SYNDIG1L: variants seen among roughly 807,000 people sequenced by gnomAD.
SYNDIG1L encodes synapse differentiation-inducing gene protein 1-like.
A neutral mutation model predicts 20.1 loss-of-function variants in SYNDIG1L; 13 were observed. The ratio of observed to expected loss-of-function variants is 0.65; its 90% confidence interval spans 0.42 to 1.03. SYNDIG1L has a LOEUF of 1.03. SYNDIG1L is among the 50% of genes least tolerant of loss of function. The pLI is 0.00. For missense variants in SYNDIG1L, 294 were observed against 305.1 expected, an observed-to-expected ratio of 0.96 and a Z score of 0.27; for synonymous variants, 128 against 129.3, an observed-to-expected ratio of 0.99 and a Z score of 0.07.
chr14:74,457,644 C>T, the SYNDIG1L span, among the ~76,000 whole-genome samples: 2 of 151,826 alleles, frequency 1.3e-5, no homozygotes, highest in African/African-American at 4.8e-5. Flanking sequence ...CGCAGGATTT[C>T]TGTAGGTGCT....
the SYNDIG1L span, among the ~76,000 whole-genome samples, chr14:74,458,296 G>A: frequency 6.6e-6 from 1 of 152,050 alleles, no homozygotes. Flanking sequence ...TGCTTTGCAG[G>A]TTAGAAAGTG....
chr14:74,439,340 A>C, the SYNDIG1L span, among the ~76,000 whole-genome samples: 1 of 152,078 alleles, frequency 6.6e-6, no homozygotes, highest in Non-Finnish European at 1.5e-5. Flanking sequence ...GTTAAACAAC[A>C]CACCTTAAGT....
the SYNDIG1L span, among the ~76,000 whole-genome samples, chr14:74,465,055 C>T: frequency 6.6e-6 from 1 of 152,322 alleles, no homozygotes; most frequent in Admixed American, 6.5e-5. Flanking sequence ...CCAGCCTGCT[C>T]CTCCCTGGGC....
At chr14:74,438,647 C>A in the SYNDIG1L span, among the ~76,000 whole-genome samples, 47 of 152,288 alleles carry the variant, frequency 3.1e-4, no homozygotes, top group Admixed American at 5.9e-4. Context: ...TACTCAGAAG[C>A]CTGACTGTCC....
At chr14:74,468,457 C>A in the SYNDIG1L span, among the ~76,000 whole-genome samples, 1 of 152,030 alleles carries the variant, frequency 6.6e-6, no homozygotes, top group East Asian at 1.9e-4. Flanking sequence ...TACCTTCCTA[C>A]CTCCCTTCTC....
chr14:74,476,533 C>T, the SYNDIG1L span: 1 of 1,535,610 alleles, frequency 6.5e-7, no homozygotes, highest in Admixed American at 2.0e-5. Flanking sequence ...TTTGCAACTG[C>T]AAACACCTGT....
At chr14:74,457,486 C>T in the SYNDIG1L span, among the ~76,000 whole-genome samples, 4 of 152,010 alleles carry the variant, frequency 2.6e-5, no homozygotes, top group Non-Finnish European at 5.9e-5. Context: ...CCATCCTCTG[C>T]GGCCACATTT....
intron 1 of SYNDIG1L, among the ~76,000 whole-genome samples, chr14:74,420,167 C>A (rs1009511817): frequency 1.3e-5 from 2 of 151,998 alleles, no homozygotes; most frequent in East Asian, 1.9e-4. Flanking sequence ...AAGGTCGAGG[C>A]GGGTGGATGA....
the SYNDIG1L span, chr14:74,476,578 C>T: frequency 2.0e-6 from 3 of 1,535,612 alleles, no homozygotes; most frequent in Non-Finnish European, 2.6e-6. Flanking sequence ...GAGCAGAGAA[C>T]AGGCATGGGA....
the SYNDIG1L span, among the ~76,000 whole-genome samples, chr14:74,443,822 C>T: frequency 6.6e-6 from 1 of 152,080 alleles, no homozygotes; most frequent in South Asian, 2.1e-4. Flanking sequence ...GACAGGCTGG[C>T]CAATAACTGT....
chr14:74,416,071 G>A (rs1041287647), intron 1 of SYNDIG1L, among the ~76,000 whole-genome samples: 1 of 152,110 alleles, frequency 6.6e-6, no homozygotes, highest in Non-Finnish European at 1.5e-5. Flanking sequence ...TCAGGGCTGG[G>A]GGGAGAGGAG....
chr14:74,474,823 G>C, the SYNDIG1L span: 3 of 152,252 alleles, frequency 2.0e-5, no homozygotes, highest in Admixed American at 6.5e-5. Context: ...TCTTCCCTTT[G>C]GAGACAAGGC....
the SYNDIG1L span, among the ~76,000 whole-genome samples, chr14:74,460,896 C>T: frequency 1.3e-5 from 2 of 152,120 alleles, no homozygotes; most frequent in East Asian, 1.9e-4. Flanking sequence ...GTGATCTGCC[C>T]GCCTTGGTGT....
chr14:74,419,861 T>TG (rs1481128249), intron 1 of SYNDIG1L, among the ~76,000 whole-genome samples: 1 of 151,784 alleles, frequency 6.6e-6, no homozygotes, highest in Non-Finnish European at 1.5e-5. Flanking sequence ...CACAAAAGCA[T>TG]GGGGTAGTGA....
the SYNDIG1L span, among the ~76,000 whole-genome samples, chr14:74,463,172 ACTTCTCAGTC>A: frequency 6.6e-6 from 1 of 152,078 alleles, no homozygotes; most frequent in Non-Finnish European, 1.5e-5. Context: ...TCCAATGGCC[ACTTCTCAGTC>A]CTTATCATAT....
intron 1 of SYNDIG1L, among the ~76,000 whole-genome samples, chr14:74,411,931 A>G (rs967319065): frequency 2.6e-5 from 4 of 152,178 alleles, no homozygotes; most frequent in Non-Finnish European, 5.9e-5. Context: ...TGGTCCGGAG[A>G]TGCTGGGCTG....
At chr14:74,411,701 G>A (rs1345094469) in intron 1 of SYNDIG1L, among the ~76,000 whole-genome samples, 1 of 152,102 alleles carries the variant, frequency 6.6e-6, no homozygotes, top group South Asian at 2.1e-4. Context: ...GTCCATGAGG[G>A]GCCAGGATCC....
the SYNDIG1L span, among the ~76,000 whole-genome samples, chr14:74,445,861 T>C: frequency 7.2e-5 from 11 of 152,318 alleles, no homozygotes; most frequent in African/African-American, 2.6e-4. Flanking sequence ...TATATATACA[T>C]TTGATTTAAA....
At chr14:74,422,354 C>T (rs2086229184) in intron 1 of SYNDIG1L, among the ~76,000 whole-genome samples, 1 of 152,072 alleles carries the variant, frequency 6.6e-6, no homozygotes, top group Non-Finnish European at 1.5e-5. Flanking sequence ...CAGAGGGGAC[C>T]TTGCCCCATA....
Sources: allele counts gnomAD v4.1 joint callset (sites outside exome capture counted in the v4.1 genomes callset), GRCh38; gene constraint gnomAD v4.1.1; transcripts MANE v1.5; gene names NCBI Gene and HGNC (gene_info 2026-07-23, HGNC 2026-07-21).